The following CAPZB variants were observed in gnomAD, a reference collection of about 807,000 sequenced individuals.
CAPZB encodes capping actin protein of muscle Z-line subunit beta.
In CAPZB, 2 loss-of-function variants were observed where a neutral mutation model predicts 38.1. The ratio of observed to expected loss-of-function variants is 0.05; its 90% CI spans 0.02 to 0.17. The LOEUF is 0.17. CAPZB is among the 10% of genes least tolerant of loss of function. CAPZB has a pLI of 1.00. For synonymous variants in CAPZB, 107 were observed against 127.4 expected, an observed-to-expected ratio of 0.84 and a Z score of 1.08; for missense variants, 161 against 334.2, an observed-to-expected ratio of 0.48 and a Z score of 4.04.
At chr1:19,342,790 C>CGCTG in intron 8 of CAPZB, 5 of 1,612,044 alleles carry the variant, frequency 3.1e-6, no homozygotes, top group Non-Finnish European at 4.2e-6. Flanking sequence ...GTAGATCTGG[C>CGCTG]GCTGGGTCAG....
At chr1:19,454,873 C>G (rs996453012) in intron 1 of CAPZB, among the ~76,000 whole-genome samples, 1 of 152,232 alleles carries the variant, frequency 6.6e-6, no homozygotes, top group African/African-American at 2.4e-5. Flanking sequence ...AAAATGCCCA[C>G]TGCAGCATGA....
intron 6 of CAPZB, 98 bp from the exon 7 acceptor site, chr1:19,345,350 G>C: frequency 1.3e-5 from 13 of 978,482 alleles, no homozygotes; most frequent in Non-Finnish European, 1.6e-5. Context: ...AGAGCCTACT[G>C]TTCCCACCGT....
intron 6 of CAPZB, among the ~76,000 whole-genome samples, chr1:19,353,026 G>A (rs1306367340): frequency 6.6e-6 from 1 of 152,242 alleles, no homozygotes; most frequent in Non-Finnish European, 1.5e-5. Flanking sequence ...CAAAGCTGGC[G>A]GCCTTCTCCA....
At chr1:19,413,781 A>C (rs1347457894) in intron 2 of CAPZB, among the ~76,000 whole-genome samples, 1 of 152,208 alleles carries the variant, frequency 6.6e-6, no homozygotes, top group Admixed American at 6.5e-5. Flanking sequence ...AGCAGATCCT[A>C]TCTGGCCTTC....
chr1:19,355,388 G>A (rs563683655), intron 6 of CAPZB, among the ~76,000 whole-genome samples: 2 of 151,916 alleles, frequency 1.3e-5, no homozygotes, highest in African/African-American at 2.4e-5. Context: ...CCAGCTACTC[G>A]GGAGGCTGAG....
intron 1 of CAPZB, among the ~76,000 whole-genome samples, chr1:19,427,433 C>T (rs1489886007): frequency 1.3e-5 from 2 of 152,158 alleles, no homozygotes; most frequent in African/African-American, 4.8e-5. Flanking sequence ...AATGACTTAC[C>T]ACAAATTTAT....
rs190115510 is a variant in CAPZB, at chr1:19,438,487, C to T, written c.4-18737G>A. The stretch of plus-strand genomic sequence containing the variant: ...TCAATTAAGAAATAAACTTAAGTAA[C>T]CCCATAGCATGCTGAGTGAAGAGAG... On this transcript the variant is annotated intron_variant, in intron 1 of 8. Coordinates refer to ENST00000264202, the MANE Select transcript of CAPZB (RefSeq NM_004930.5). Among the ~76,000 whole-genome samples the T allele has an allele frequency of 6.8e-4, 104 of 152,286 alleles. No homozygotes were observed. In the East Asian group the frequency reaches 0.015, roughly 22 times the overall value.
At chr1:19,471,784 G>A (rs1043953582) in intron 1 of CAPZB, among the ~76,000 whole-genome samples, 2 of 151,606 alleles carry the variant, frequency 1.3e-5, no homozygotes, top group Non-Finnish European at 2.9e-5. Flanking sequence ...GGAGAATGGC[G>A]TGAACCAGGA....
intron 2 of CAPZB, among the ~76,000 whole-genome samples, chr1:19,391,142 C>A (rs1454783130): frequency 6.6e-6 from 1 of 151,992 alleles, no homozygotes; most frequent in Non-Finnish European, 1.5e-5. Flanking sequence ...AAGTTTCCGG[C>A]CACAAGTGAG....
At chr1:19,393,640 G>A (rs1240666610) in intron 2 of CAPZB, among the ~76,000 whole-genome samples, 4 of 152,328 alleles carry the variant, frequency 2.6e-5, no homozygotes, top group South Asian at 4.1e-4. Context: ...AGGCTCAGGG[G>A]ACAGGGGAGG....
chr1:19,374,700 C>T (rs2094136141), intron 4 of CAPZB, among the ~76,000 whole-genome samples: 1 of 152,208 alleles, frequency 6.6e-6, no homozygotes, highest in Non-Finnish European at 1.5e-5. Context: ...AGGCCGGGGA[C>T]ACCAGCCACT....
At chr1:19,419,839 T>C (rs2094394591) in intron 1 of CAPZB, 89 bp from the exon 2 acceptor site, 1 of 799,280 alleles carries the variant, frequency 1.3e-6, no homozygotes, top group Non-Finnish European at 2.1e-6. Context: ...GCCCAAGGCA[T>C]TCTAAAACCC....
chr1:19,349,613 G>A (rs972415864), intron 6 of CAPZB, among the ~76,000 whole-genome samples: 7 of 152,144 alleles, frequency 4.6e-5, no homozygotes, highest in Non-Finnish European at 1.0e-4. Flanking sequence ...ACAAACAGGC[G>A]AAACCCCTTG....
At chr1:19,438,916 T>G (rs2094466951) in intron 1 of CAPZB, among the ~76,000 whole-genome samples, 1 of 152,202 alleles carries the variant, frequency 6.6e-6, no homozygotes, top group Non-Finnish European at 1.5e-5. Flanking sequence ...TAGAGGAAAG[T>G]GGCTTAGATC....
At chr1:19,432,059 A>AG (rs1407170982) in intron 1 of CAPZB, among the ~76,000 whole-genome samples, 7 of 130,242 alleles carry the variant, frequency 5.4e-5, no homozygotes, top group African/African-American at 1.3e-4. Flanking sequence ...AAAAAAAAAA[A>AG]AAAAAAGAAA....
At chr1:19,485,294 G>C (rs1330334148) in intron 1 of CAPZB, 142 bp downstream of exon 1, 1 of 506,402 alleles carries the variant, frequency 2.0e-6, no homozygotes, top group African/African-American at 2.0e-5. Flanking sequence ...GGCGGGGAGG[G>C]ACCGGGTCCA....
At chr1:19,436,970 T>C (rs1214053037) in intron 1 of CAPZB, among the ~76,000 whole-genome samples, 3 of 152,210 alleles carry the variant, frequency 2.0e-5, no homozygotes, top group African/African-American at 2.4e-5. Context: ...GGAGCCTGGA[T>C]GGTTCAGTTG....
intron 1 of CAPZB, chr1:19,484,787 T>C (rs1474625022): frequency 6.9e-6 from 6 of 869,700 alleles, no homozygotes; most frequent in Non-Finnish European, 8.4e-6. Context: ...AAGGGGATCA[T>C]GGTGGGGAGG....
chr1:19,381,684 ATTTTTT>A (rs869210528), intron 3 of CAPZB, among the ~76,000 whole-genome samples: 7 of 84,536 alleles, frequency 8.3e-5, no homozygotes, highest in South Asian at 4.7e-4. Context: ...TGCCCAGCTA[ATTTTTT>A]TTTTTTTTTT....
Sources: allele counts gnomAD v4.1 joint callset (sites outside exome capture counted in the v4.1 genomes callset), GRCh38; gene constraint gnomAD v4.1.1; transcripts MANE v1.5; gene names NCBI Gene and HGNC (gene_info 2026-07-23, HGNC 2026-07-21).